Variants in SLC22A23 observed in about 807,000 individuals in gnomAD.
SLC22A23 encodes the protein ion transporter protein.
In SLC22A23, 26 loss-of-function variants were observed where a neutral mutation model predicts 61.0. The observed-to-expected ratio is 0.43, with a 90% CI of 0.31 to 0.59. SLC22A23 has a LOEUF of 0.59. Among genes scored for constraint, SLC22A23 ranks in the 20% least tolerant of loss-of-function variants. The pLI, the probability that SLC22A23 is intolerant of heterozygous loss-of-function variation, is 0.11. For missense variants in SLC22A23, 796 were observed against 934.7 expected (o/e 0.85, Z 1.94); for synonymous variants, 430 against 413.9 (o/e 1.04, Z -0.47).
intron 4 of SLC22A23, chr6:3,312,942 C>T (rs1025501814): frequency 6.6e-5 from 10 of 152,212 alleles, no homozygotes; most frequent in African/African-American, 1.9e-4. Flanking sequence ...CCCAGCTTCC[C>T]GGTGGGAGCA....
At position 3,360,797 on chromosome 6, in the gene SLC22A23, T is replaced by C. The variant is rs1401716360; in HGVS notation, c.914-36795A>G. Among the ~76,000 whole-genome samples, 1 of 152,106 alleles carries C rather than the reference T, an allele frequency of 6.6e-6. No individual in the cohort carries two copies. Among genetic ancestry groups the C allele is most frequent in the Admixed American group, 6.5e-5 (1 of 15,284 alleles). On this transcript the variant is annotated intron_variant, in intron 3 of 9. Transcript: ENST00000406686. The surrounding 1 kb of genome is among the most constrained non-coding windows in gnomAD (Gnocchi z 4.6). Reference sequence around the variant, plus strand: ...CAGACGGGCCCCTCTGATGGAGACCTGCGTTCGGCCAGGCAGGCCCACAGC... The same window carrying C: ...CAGACGGGCCCCTCTGATGGAGACCCGCGTTCGGCCAGGCAGGCCCACAGC...
At position 3,304,865 on chromosome 6, in the gene SLC22A23, G is replaced by C. The variant is rs920301776; in HGVS notation, c.1083-6647C>G. 6.6e-6 allele frequency among the ~76,000 whole-genome samples: 1 copy of C among 152,160 alleles called. No individual in the cohort carries two copies. Among genetic ancestry groups the C allele is most frequent in the African/African-American group, 2.4e-5 (1 of 41,426 alleles). ...GCAAGCTGATAAACCCGAATGCTGG[G>C]AATGAGGTGAGAAGACGCAGGGAGA... On this transcript the variant is annotated intron_variant, in intron 4 of 9. Coordinates refer to ENST00000406686, the MANE Select transcript of SLC22A23 (RefSeq NM_015482.2). The surrounding 1 kb of genome is among the most constrained non-coding windows in gnomAD (Gnocchi z 4.3).
At chr6:3,397,749 C>A (rs1365846076) in intron 3 of SLC22A23, among the ~76,000 whole-genome samples, 1 of 152,192 alleles carries the variant, frequency 6.6e-6, no homozygotes, top group African/African-American at 2.4e-5. Context: ...ATGCTATATA[C>A]ATGCACACAT....
chr6:3,444,897 G>A (rs1490679670), intron 1 of SLC22A23: 2 of 985,452 alleles, frequency 2.0e-6, no homozygotes, highest in Admixed American at 6.1e-5. Context: ...GCCCTTCCAG[G>A]TGTGGCCTTC....
At chr6:3,334,783 G>C (rs915074548) in intron 3 of SLC22A23, among the ~76,000 whole-genome samples, 2 of 152,174 alleles carry the variant, frequency 1.3e-5, no homozygotes, top group Non-Finnish European at 2.9e-5. Flanking sequence ...CACTGTCTAG[G>C]TCACACAGAA....
chr6:3,376,936 G>C (rs1766608138), intron 3 of SLC22A23, among the ~76,000 whole-genome samples: 1 of 152,038 alleles, frequency 6.6e-6, no homozygotes, highest in Non-Finnish European at 1.5e-5. Context: ...GAGGAAGAAG[G>C]GCATTTCAGA....
Position 3,342,952 on chromosome 6 carries a change from A to G in SLC22A23, c.914-18950T>C, listed in dbSNP as rs1447499300. ...GTTAGGATTTCAAGAGACAAGAAATAGTGGGAAATGACAGAGAAATACACG... is the reference window on the plus strand; with the variant it reads ...GTTAGGATTTCAAGAGACAAGAAATGGTGGGAAATGACAGAGAAATACACG... On this transcript the variant is annotated intron_variant, in intron 3 of 9. Coordinates refer to ENST00000406686, the MANE Select transcript of SLC22A23 (RefSeq NM_015482.2). The surrounding 1 kb of genome is among the most constrained non-coding windows in gnomAD (Gnocchi z 4.0). Among the ~76,000 whole-genome samples the G allele has an allele frequency of 2.6e-5, 4 of 152,226 alleles. No homozygotes were observed. Among genetic ancestry groups the G allele is most frequent in the Non-Finnish European group, 5.9e-5 (4 of 68,036 alleles).
intron 4 of SLC22A23, among the ~76,000 whole-genome samples, chr6:3,310,360 TC>T (rs1762298350): frequency 2.8e-5 from 2 of 71,270 alleles, no homozygotes; most frequent in African/African-American, 1.1e-4. Context: ...GAGCACCCTG[TC>T]TCCCACTCGA....
At chr6:3,284,700 C>T (rs560433846) in intron 8 of SLC22A23, among the ~76,000 whole-genome samples, 23 of 152,320 alleles carry the variant, frequency 1.5e-4, no homozygotes, top group South Asian at 1.4e-3. Context: ...AGGGGGACAG[C>T]GGCTTCCCCT....
chr6:3,322,323 C>G lies in SLC22A23; in HGVS notation c.1082+1511G>C, dbSNP rs544246603. ...TGAACTCCGAAACAGCTAAGCCCAG[C>G]GAAGGCTGCCACAAGGGAGGGGGCA... On this transcript the variant is annotated intron_variant, in intron 4 of 9. Transcript: ENST00000406686. The surrounding 1 kb of genome is among the most constrained non-coding windows in gnomAD (Gnocchi z 4.1). 6.6e-6 allele frequency among the ~76,000 whole-genome samples: 1 copy of G among 152,172 alleles called. No homozygotes were observed. Among genetic ancestry groups the G allele is most frequent in the Non-Finnish European group, 1.5e-5 (1 of 68,024 alleles).
At chr6:3,411,152 C>A (rs752873523) in intron 2 of SLC22A23, among the ~76,000 whole-genome samples, 1 of 152,172 alleles carries the variant, frequency 6.6e-6, no homozygotes, top group Non-Finnish European at 1.5e-5. Flanking sequence ...GGGGAAGTCA[C>A]CAGTTCCTGT....
chr6:3,307,047 T>C (rs7760546), intron 4 of SLC22A23, among the ~76,000 whole-genome samples: 57,036 of 152,132 alleles, frequency 0.37, 10,996 homozygotes, highest in East Asian at 0.59. Flanking sequence ...GTAAGTAGGA[T>C]GCTTGCCAAC....
At chr6:3,411,705 A>G (rs548567536) in intron 2 of SLC22A23, among the ~76,000 whole-genome samples, 1 of 152,344 alleles carries the variant, frequency 6.6e-6, no homozygotes, top group South Asian at 2.1e-4. Flanking sequence ...GGAAAGGAAC[A>G]ACAGGATGAA....
At chr6:3,407,964 A>G (rs781259619) in intron 3 of SLC22A23, among the ~76,000 whole-genome samples, 2 of 152,262 alleles carry the variant, frequency 1.3e-5, no homozygotes, top group South Asian at 2.1e-4. Context: ...CCACACACAA[A>G]TATTTACATC....
rs1767285902 is a variant in SLC22A23 at position 3,386,093 on chromosome 6, G to C, written c.913+24095C>G. Reference sequence around the variant, plus strand: ...CATGCCCATTCCTGTGGTCACTGATGAGGGGACTTCAATCGGCTTGAAGAA... The same window carrying C: ...CATGCCCATTCCTGTGGTCACTGATCAGGGGACTTCAATCGGCTTGAAGAA... On this transcript the variant is annotated intron_variant, in intron 3 of 9. Transcript: ENST00000406686. This position sits in a 1 kb window ranked among gnomAD's most constrained non-coding sequence, Gnocchi z 4.4. Among the ~76,000 whole-genome samples, 2 of 152,176 alleles carry C rather than the reference G, an allele frequency of 1.3e-5. No individual in the cohort carries two copies. The highest frequency in any genetic ancestry group is 1.5e-5 in the Non-Finnish European group (1 of 68,032).
Position 3,286,834 on chromosome 6 carries a change from C to T in SLC22A23, c.1546+25G>A, listed in dbSNP as rs1181023881. ...ATCTGCCAGCTTCCCTCCCTGCACC[C>T]AGCCCACCTCCCCGACCCACTCACG... On this transcript the variant is annotated intron_variant, in intron 7 of 9. Coordinates refer to ENST00000406686, the MANE Select transcript of SLC22A23 (RefSeq NM_015482.2). The surrounding 1 kb of genome is among the most constrained non-coding windows in gnomAD (Gnocchi z 4.2). 1 of 1,559,466 alleles carries T rather than the reference C, an allele frequency of 6.4e-7. No individual in the cohort carries two copies.
At chr6:3,331,723 C>G (rs1050922332) in intron 3 of SLC22A23, among the ~76,000 whole-genome samples, 1 of 152,230 alleles carries the variant, frequency 6.6e-6, no homozygotes, top group African/African-American at 2.4e-5. Flanking sequence ...TGATGCTCAG[C>G]AGCACATGCT....
intron 3 of SLC22A23, among the ~76,000 whole-genome samples, chr6:3,353,435 G>T (rs116188051): frequency 6.6e-6 from 1 of 152,166 alleles, no homozygotes; most frequent in African/African-American, 2.4e-5. Flanking sequence ...TGGCTTGAGC[G>T]GTTTGGCTTC....
intron 9 of SLC22A23, chr6:3,276,853 A>AGAC (rs1308024870): frequency 1.3e-5 from 2 of 152,280 alleles, no homozygotes; most frequent in Admixed American, 6.5e-5. Flanking sequence ...GCTACAGAAC[A>AGAC]GACTTTTGCT....
Sources: allele counts gnomAD v4.1 joint callset (sites outside exome capture counted in the v4.1 genomes callset), GRCh38; gene constraint gnomAD v4.1.1; non-coding constraint Gnocchi (gnomAD v3.1); transcripts MANE v1.5; gene names NCBI Gene and HGNC (gene_info 2026-07-23, HGNC 2026-07-21).